The following DNAAF4 variants were observed in gnomAD, a reference collection of about 807,000 sequenced individuals.
DNAAF4 encodes dynein axonemal assembly factor 4, also known as dynein assembly factor 4, axonemal.
Under a neutral mutation model 51.8 loss-of-function variants are expected in DNAAF4, and 43 were observed. The observed-to-expected ratio is 0.83, with a 90% CI of 0.65 to 1.07. DNAAF4 has a LOEUF of 1.07. Ranked by LOEUF, DNAAF4 falls within the 50% of genes least tolerant of loss-of-function variation. DNAAF4 has a pLI of 0.00. For missense variants in DNAAF4, 581 were observed against 493.0 expected (o/e 1.18, Z -1.69); for synonymous variants, 194 against 165.6 (o/e 1.17, Z -1.32).
chr15:55,453,707 C>T lies in DNAAF4; in HGVS notation c.638-3340G>A, dbSNP rs143886348. ...CTGGGACTACAGGCACCCACCACCA[C>T]GTCCAGCTAATTTTTTGTACTTTTA... On this transcript the variant is annotated intron_variant, in intron 5 of 9. Coordinates refer to ENST00000321149, the MANE Select transcript of DNAAF4 (RefSeq NM_130810.4). 1.6e-3 allele frequency among the ~76,000 whole-genome samples: 241 copies of T among 151,884 alleles called. 1 individual carries two copies. The highest frequency in any genetic ancestry group is 5.7e-3 in the African/African-American group (236 of 41,422).
chr15:55,424,203 G>A (rs1028652113), intron 7 of DNAAF4, among the ~76,000 whole-genome samples: 1 of 152,146 alleles, frequency 6.6e-6, no homozygotes, highest in Non-Finnish European at 1.5e-5. Context: ...TAAAAGAGGG[G>A]AGTTCAGCCC....
chr15:55,452,071 A>C (rs900840027), intron 5 of DNAAF4, among the ~76,000 whole-genome samples: 1 of 151,598 alleles, frequency 6.6e-6, no homozygotes, highest in African/African-American at 2.4e-5. Flanking sequence ...ACATGGTGAA[A>C]CCTCATCTCT....
chr15:55,428,686 G>A (rs955924355), downstream of DNAAF4, among the ~76,000 whole-genome samples: 1 of 149,864 alleles, frequency 6.7e-6, no homozygotes, highest in Admixed American at 6.6e-5. Flanking sequence ...AGTGGAGAGG[G>A]GGGTTTCACC....
rs1223498563 is a variant in DNAAF4, at chr15:55,497,770, A to G, written c.213T>C (p.Ile71=). ...CTTCTTTTTTATACAAGGTGAAGAC[A>G]ATGGTGTCATTCCCAATCTTTGCTT... is the stretch of plus-strand genomic sequence containing the variant. The part of the protein sequence containing the change: ...SSKAKIGNDT[I]VFTLYKKEAA... The change falls in exon 3 of 10, where the codon ATT becomes ATC. Residue 71 remains isoleucine, a synonymous_variant. Coordinates refer to ENST00000321149, the MANE Select transcript of DNAAF4 (RefSeq NM_130810.4). 1 of 1,613,952 alleles carries G rather than the reference A, an allele frequency of 6.2e-7. No individual in the cohort carries two copies. Among genetic ancestry groups the G allele is most frequent in the Non-Finnish European group, 8.5e-7 (1 of 1,180,030 alleles).
chr15:55,448,849 G>A (rs1014670681), intron 6 of DNAAF4, among the ~76,000 whole-genome samples: 1 of 151,016 alleles, frequency 6.6e-6, no homozygotes, highest in Non-Finnish European at 1.5e-5. Context: ...CAGCCTAGGG[G>A]ACAGAGCGAG....
At chr15:55,465,159 T>G (rs1009574883) in intron 5 of DNAAF4, among the ~76,000 whole-genome samples, 11 of 152,142 alleles carry the variant, frequency 7.2e-5, no homozygotes, top group African/African-American at 2.4e-4. Context: ...GGTGGGAATG[T>G]AAACTAGTAC....
intron 3 of DNAAF4, among the ~76,000 whole-genome samples, chr15:55,496,620 G>C (rs16976349): frequency 0.049 from 7,519 of 152,212 alleles, 260 homozygotes; most frequent in East Asian, 0.15. Flanking sequence ...TATCAGGAGG[G>C]CTTACCCTTA....
chr15:55,456,952 A>G (rs2058029188), intron 5 of DNAAF4, among the ~76,000 whole-genome samples: 1 of 152,254 alleles, frequency 6.6e-6, no homozygotes, highest in African/African-American at 2.4e-5. Flanking sequence ...GAATTGGGGC[A>G]GGACCACAGG....
At chr15:55,452,244 T>TAAAAAAAAAAAAAAAAAAAA (rs57692277) in intron 5 of DNAAF4, among the ~76,000 whole-genome samples, 7 of 53,622 alleles carry the variant, frequency 1.3e-4, no homozygotes, top group Non-Finnish European at 1.5e-4. Flanking sequence ...CATGTCTCAC[T>TAAAAAAAAAAAAAAAAAAAA]AAAAAAAAAA....
chr15:55,488,928 A>G (rs1305334699), intron 4 of DNAAF4, among the ~76,000 whole-genome samples: 1 of 152,076 alleles, frequency 6.6e-6, no homozygotes, highest in African/African-American at 2.4e-5. Flanking sequence ...CTCTACTAAA[A>G]ATACAAAAAA....
chr15:55,488,121 T>TTTTTC (rs2058518442), intron 4 of DNAAF4, among the ~76,000 whole-genome samples: 2 of 58,812 alleles, frequency 3.4e-5, no homozygotes, highest in Non-Finnish European at 7.3e-5. Context: ...TTTCTTTTTC[T>TTTTTC]TTTTTTTTTT....
chr15:55,418,389 A>G (rs2057356566), intron 7 of DNAAF4: 4 of 1,534,428 alleles, frequency 2.6e-6, no homozygotes, highest in African/African-American at 1.4e-5. Context: ...TATAAAACCA[A>G]TTCAAGTCAT....
intron 4 of DNAAF4, among the ~76,000 whole-genome samples, chr15:55,473,783 G>A (rs1390735910): frequency 2.0e-5 from 3 of 152,086 alleles, no homozygotes; most frequent in Non-Finnish European, 4.4e-5. Context: ...CTGAGGTCAG[G>A]AGTTCGAGAC....
chr15:55,502,007 C>T (rs1192601332), intron 1 of DNAAF4, among the ~76,000 whole-genome samples: 3 of 151,518 alleles, frequency 2.0e-5, no homozygotes, highest in African/African-American at 7.3e-5. Flanking sequence ...CATGCCACTG[C>T]ACTCCAGCCT....
At position 55,506,781 on chromosome 15, in the gene DNAAF4, G is replaced by A. The variant is rs570110443; in HGVS notation, c.-256+1341C>T. Among the ~76,000 whole-genome samples the A allele has an allele frequency of 3.3e-5, 5 of 152,230 alleles. No individual in the cohort carries two copies. The South Asian group carries it at 8.3e-4, about 25-fold the overall frequency. ...AATGATAGCTATACATTGGATGGAT[G>A]AGTGAAAAAAGCAAGTCAAATAATA... On this transcript the variant is annotated intron_variant, in intron 1 of 9. Coordinates refer to ENST00000321149, the MANE Select transcript of DNAAF4 (RefSeq NM_130810.4).
chr15:55,452,224 G>C (rs1269673328), intron 5 of DNAAF4, among the ~76,000 whole-genome samples: 2 of 106,720 alleles, frequency 1.9e-5, no homozygotes, highest in East Asian at 6.6e-4. Context: ...CTCCAGCCTG[G>C]ACAACAGAGC....
At chr15:55,472,688 T>G (rs896771672) in intron 4 of DNAAF4, among the ~76,000 whole-genome samples, 21 of 152,216 alleles carry the variant, frequency 1.4e-4, no homozygotes, top group African/African-American at 5.1e-4. Flanking sequence ...TACTACAGGT[T>G]ATTAGTTTAA....
chr15:55,491,001 T>C (rs1300810835), intron 4 of DNAAF4, 122 bp downstream of exon 4: 6 of 1,144,440 alleles, frequency 5.2e-6, no homozygotes, highest in Non-Finnish European at 7.5e-6. Flanking sequence ...CTATATAACA[T>C]AGTAAGTCCT....
chr15:55,432,410 C>A, intron 9 of DNAAF4, 87 bp downstream of exon 9: 1 of 997,292 alleles, frequency 1.0e-6, no homozygotes, highest in Non-Finnish European at 1.5e-6. Context: ...AAAATGGAGT[C>A]CTTAAAAGTC....
Sources: gnomAD v4.1 joint callset for allele counts (sites outside exome capture counted in the v4.1 genomes callset) on GRCh38, gnomAD v4.1.1 for gene constraint, MANE v1.5 for transcripts, NCBI Gene and HGNC (gene_info 2026-07-23, HGNC 2026-07-21) for gene names.